The following FRMD5 variants were observed in gnomAD, a reference collection of about 807,000 sequenced individuals.
FRMD5 encodes FERM domain containing 5, also known as FERM domain-containing protein 5.
FRMD5 carries 20 observed loss-of-function variants against 69.0 expected under a neutral mutation model. The observed-to-expected ratio is 0.29, with a 90% CI of 0.20 to 0.42. FRMD5 has a LOEUF of 0.42. Among genes scored for constraint, FRMD5 ranks in the 10% least tolerant of loss-of-function variants. The pLI is 1.00. For synonymous variants in FRMD5, 271 were observed against 260.1 expected (o/e 1.04, Z -0.40); for missense variants, 595 against 708.6 (o/e 0.84, Z 1.82).
At chr15:43,978,404 A>C (rs937642977) in intron 1 of FRMD5, among the ~76,000 whole-genome samples, 1 of 152,156 alleles carries the variant, frequency 6.6e-6, no homozygotes, top group African/African-American at 2.4e-5. Context: ...TAAACATCAT[A>C]ATAATGGTTA....
Position 44,100,343 on chromosome 15 carries a change from C to A in FRMD5, c.102+94610G>T, listed in dbSNP as rs186653267. Among the ~76,000 whole-genome samples, 6 of 152,136 alleles carry A rather than the reference C, an allele frequency of 3.9e-5. No homozygotes were observed. The East Asian group carries it at 1.2e-3, about 29-fold the overall frequency. On this transcript the variant is annotated intron_variant, in intron 1 of 13. Coordinates refer to ENST00000417257, the MANE Select transcript of FRMD5 (RefSeq NM_032892.5). ...AAGTGCTGGGATTACAGGCATGAGC[C>A]ATCGTGCCAGGCCAACTAATAGCTT...
At chr15:44,179,651 C>T (rs1276963593) in intron 1 of FRMD5, among the ~76,000 whole-genome samples, 1 of 152,166 alleles carries the variant, frequency 6.6e-6, no homozygotes, top group Non-Finnish European at 1.5e-5. Flanking sequence ...GGAACACACA[C>T]ACATTAAACA....
chr15:43,946,558 A>T (rs2140500180), intron 1 of FRMD5, among the ~76,000 whole-genome samples: 1 of 152,288 alleles, frequency 6.6e-6, no homozygotes, highest in East Asian at 1.9e-4. Context: ...CTAACATAAT[A>T]ATGTAAAATG....
chr15:44,184,601 A>G (rs963992387), intron 1 of FRMD5, among the ~76,000 whole-genome samples: 2 of 152,228 alleles, frequency 1.3e-5, no homozygotes, highest in Non-Finnish European at 1.5e-5. Context: ...CAGCAAAGGT[A>G]TAACTAAGCA....
chr15:43,882,790 T>C (rs1229311303), intron 13 of FRMD5, among the ~76,000 whole-genome samples: 1 of 152,050 alleles, frequency 6.6e-6, no homozygotes, highest in Non-Finnish European at 1.5e-5. Context: ...TGGTCAGATT[T>C]AGCAAACAAG....
chr15:44,122,199 C>T (rs775876593), intron 1 of FRMD5, among the ~76,000 whole-genome samples: 1 of 151,906 alleles, frequency 6.6e-6, no homozygotes, highest in Non-Finnish European at 1.5e-5. Context: ...AGGAAAGAGA[C>T]AAACTGTTAA....
At chr15:43,900,913 G>A (rs749900845) in intron 7 of FRMD5, among the ~76,000 whole-genome samples, 1 of 151,978 alleles carries the variant, frequency 6.6e-6, no homozygotes, top group South Asian at 2.1e-4. Flanking sequence ...CACTGCGCCC[G>A]GCATTCCTAT....
intron 1 of FRMD5, among the ~76,000 whole-genome samples, chr15:44,025,376 A>T (rs1177401196): frequency 1.3e-5 from 2 of 152,202 alleles, no homozygotes; most frequent in Non-Finnish European, 2.9e-5. Context: ...TTAGATATTG[A>T]TAAGAAGGAT....
upstream of FRMD5, chr15:44,195,283 G>T (rs907967033): frequency 9.8e-6 from 5 of 510,904 alleles, no homozygotes; most frequent in East Asian, 1.8e-4. Flanking sequence ...TCTCCTCGGC[G>T]CCCCAGTGCC....
intron 13 of FRMD5, among the ~76,000 whole-genome samples, chr15:43,877,492 CT>C (rs1257509908): frequency 6.6e-6 from 1 of 152,214 alleles, no homozygotes; most frequent in African/African-American, 2.4e-5. Context: ...CTTGTGGAGC[CT>C]GTCTTGGCAC....
At chr15:44,132,851 G>A (rs574917885) in intron 1 of FRMD5, among the ~76,000 whole-genome samples, 1 of 150,804 alleles carries the variant, frequency 6.6e-6, no homozygotes, top group Admixed American at 6.6e-5. Context: ...TCCGTCTCCC[G>A]GGTTCAAGCA....
intron 1 of FRMD5, among the ~76,000 whole-genome samples, chr15:44,120,365 A>G (rs2076929440): frequency 6.6e-6 from 1 of 152,202 alleles, no homozygotes; most frequent in Non-Finnish European, 1.5e-5. Context: ...GAAATGGAGA[A>G]GGGCCAGATT....
chr15:44,056,837 C>T (rs1164316152), intron 1 of FRMD5, among the ~76,000 whole-genome samples: 2 of 152,154 alleles, frequency 1.3e-5, no homozygotes, highest in African/African-American at 4.8e-5. Context: ...CCCTCCACAC[C>T]ATTGTCTCAT....
intron 11 of FRMD5, chr15:43,885,039 G>A: frequency 2.3e-6 from 1 of 443,078 alleles, no homozygotes; most frequent in East Asian, 3.3e-5. Context: ...TCTCATTTAG[G>A]AGTAATTCCT....
At chr15:44,086,726 A>G (rs1167252345) in intron 1 of FRMD5, among the ~76,000 whole-genome samples, 1 of 152,182 alleles carries the variant, frequency 6.6e-6, no homozygotes, top group Non-Finnish European at 1.5e-5. Flanking sequence ...ATTTACCACA[A>G]TTTTTAAAAG....
chr15:43,905,131 TCTC>T (rs1234538728), intron 6 of FRMD5, among the ~76,000 whole-genome samples: 1 of 141,280 alleles, frequency 7.1e-6, no homozygotes, highest in African/African-American at 2.6e-5. Context: ...TCACTCAACC[TCTC>T]CTTTTTTTTT....
chr15:43,953,523 G>A (rs1182373657), intron 1 of FRMD5, among the ~76,000 whole-genome samples: 1 of 152,192 alleles, frequency 6.6e-6, no homozygotes, highest in Non-Finnish European at 1.5e-5. Flanking sequence ...CTACTGTTAT[G>A]GCCTACATTG....
intron 1 of FRMD5, among the ~76,000 whole-genome samples, chr15:44,055,338 C>G (rs1176314105): frequency 6.6e-6 from 1 of 152,076 alleles, no homozygotes; most frequent in Non-Finnish European, 1.5e-5. Context: ...ATTTGGACTC[C>G]AGAAAAACAC....
chr15:43,934,460 T>C (rs1223089643), intron 1 of FRMD5, among the ~76,000 whole-genome samples: 2 of 152,154 alleles, frequency 1.3e-5, no homozygotes, highest in African/African-American at 4.8e-5. Flanking sequence ...AGTTTTTTTT[T>C]CTTTAAAAAG....
Sources: gnomAD v4.1 joint callset for allele counts (sites outside exome capture counted in the v4.1 genomes callset) on GRCh38, gnomAD v4.1.1 for gene constraint, MANE v1.5 for transcripts, NCBI Gene and HGNC (gene_info 2026-07-23, HGNC 2026-07-21) for gene names.